The following CNTN4 variants were observed in gnomAD, a reference collection of about 807,000 sequenced individuals.
CNTN4 encodes contactin-4.
Under a neutral mutation model 122.5 loss-of-function variants are expected in CNTN4, and 77 were observed. That is an observed-to-expected ratio of 0.63 (90% confidence interval 0.52 to 0.76). CNTN4 has a LOEUF of 0.76. Ranked by LOEUF, CNTN4 falls within the 30% of genes least tolerant of loss-of-function variation. The probability of loss-of-function intolerance (pLI) is 0.00; values close to 1 mark genes in which losing one functional copy is unlikely to be tolerated. For missense variants in CNTN4, 1,256 were observed against 1,259.1 expected (o/e 1.00, Z 0.04); for synonymous variants, 512 against 447.0 (o/e 1.15, Z -1.83).
At chr3:2,215,247 T>C (rs2038789081) in intron 2 of CNTN4, among the ~76,000 whole-genome samples, 1 of 152,220 alleles carries the variant, frequency 6.6e-6, no homozygotes, top group African/African-American at 2.4e-5. Flanking sequence ...TGACATGCTA[T>C]AATACAATAT....
intron 6 of CNTN4, among the ~76,000 whole-genome samples, chr3:2,747,376 T>C (rs2149573105): frequency 6.7e-6 from 1 of 149,238 alleles, no homozygotes; most frequent in Admixed American, 6.7e-5. Context: ...GCCACTGGAC[T>C]CCAGCCTGGG....
At chr3:2,997,726 G>T (rs1371706379) in intron 14 of CNTN4, among the ~76,000 whole-genome samples, 3 of 152,166 alleles carry the variant, frequency 2.0e-5, no homozygotes, top group Non-Finnish European at 4.4e-5. Flanking sequence ...AAGTTAAAAT[G>T]GTTGTCTCTT....
chr3:2,961,723 C>G (rs948500233), intron 13 of CNTN4, among the ~76,000 whole-genome samples: 13 of 152,118 alleles, frequency 8.5e-5, no homozygotes, highest in Non-Finnish European at 1.6e-4. Flanking sequence ...TATTATTAAT[C>G]TAAAATGCTT....
chr3:2,785,146 T>TAG (rs111372866), intron 6 of CNTN4, among the ~76,000 whole-genome samples: 86 of 151,034 alleles, frequency 5.7e-4, no homozygotes, highest in South Asian at 8.4e-4. Context: ...CACATATATA[T>TAG]AGAGAGAGAG....
chr3:2,328,271 TG>T (rs774845105), intron 2 of CNTN4, among the ~76,000 whole-genome samples: 4 of 149,780 alleles, frequency 2.7e-5, no homozygotes, highest in Non-Finnish European at 5.9e-5. Context: ...CCGGGCGTGG[TG>T]GCGGGCGCCT....
At chr3:2,273,666 C>T (rs752106152) in intron 2 of CNTN4, among the ~76,000 whole-genome samples, 1 of 152,126 alleles carries the variant, frequency 6.6e-6, no homozygotes, top group African/African-American at 2.4e-5. Flanking sequence ...AAATCTTTGT[C>T]ATGCCAGTGT....
chr3:2,718,973 C>T (rs2087668669), intron 4 of CNTN4, among the ~76,000 whole-genome samples: 1 of 152,038 alleles, frequency 6.6e-6, no homozygotes, highest in South Asian at 2.1e-4. Flanking sequence ...TATTAACTCC[C>T]CCCATCTACT....
intron 6 of CNTN4, among the ~76,000 whole-genome samples, chr3:2,757,493 C>G (rs2090391277): frequency 6.6e-6 from 1 of 152,154 alleles, no homozygotes; most frequent in African/African-American, 2.4e-5. Flanking sequence ...TCTGACCTAC[C>G]TGTGGCTGTA....
chr3:2,463,965 A>C (rs757089255), intron 3 of CNTN4, among the ~76,000 whole-genome samples: 9 of 152,150 alleles, frequency 5.9e-5, no homozygotes, highest in Non-Finnish European at 1.2e-4. Flanking sequence ...TCCAAGCCTC[A>C]TAATGAAATG....
At chr3:2,196,079 C>G (rs1266792499) in intron 2 of CNTN4, among the ~76,000 whole-genome samples, 3 of 152,160 alleles carry the variant, frequency 2.0e-5, no homozygotes, top group African/African-American at 7.2e-5. Flanking sequence ...GGTATCTATG[C>G]TTAATGAAAA....
intron 3 of CNTN4, among the ~76,000 whole-genome samples, chr3:2,473,650 A>C (rs1343990708): frequency 1.3e-5 from 2 of 152,158 alleles, no homozygotes; most frequent in South Asian, 4.1e-4. Flanking sequence ...CTGGGCAGTG[A>C]TGCTTCAAAG....
chr3:2,225,989 T>C (rs1009654039), intron 2 of CNTN4, among the ~76,000 whole-genome samples: 3 of 152,294 alleles, frequency 2.0e-5, no homozygotes, highest in Non-Finnish European at 4.4e-5. Flanking sequence ...TCTGAGGCCC[T>C]GTTTTGTAAT....
chr3:2,834,263 A>G (rs1448198619), intron 7 of CNTN4, among the ~76,000 whole-genome samples: 2 of 151,946 alleles, frequency 1.3e-5, no homozygotes, highest in Non-Finnish European at 2.9e-5. Flanking sequence ...TGCTAGAGAC[A>G]ATAAAATCAA....
chr3:2,105,043 GAAC>G (rs1026736557), intron 2 of CNTN4, among the ~76,000 whole-genome samples: 3 of 152,134 alleles, frequency 2.0e-5, no homozygotes, highest in African/African-American at 7.2e-5. Context: ...ATTGCTTCTA[GAAC>G]AGAACAGGCA....
At chr3:2,738,880 C>T (rs1045497483) in intron 5 of CNTN4, among the ~76,000 whole-genome samples, 3 of 151,900 alleles carry the variant, frequency 2.0e-5, no homozygotes, top group Non-Finnish European at 2.9e-5. Context: ...AAAAATACAA[C>T]TTATAAAAGA....
intron 12 of CNTN4, among the ~76,000 whole-genome samples, chr3:2,922,067 A>G (rs535961257): frequency 1.3e-5 from 2 of 152,314 alleles, no homozygotes; most frequent in South Asian, 4.1e-4. Context: ...CTAGCAGTGC[A>G]TGTGAGAAAT....
At chr3:2,198,623 A>G (rs189183092) in intron 2 of CNTN4, among the ~76,000 whole-genome samples, 1 of 152,308 alleles carries the variant, frequency 6.6e-6, no homozygotes, top group Non-Finnish European at 1.5e-5. Flanking sequence ...GTCAAGAAGA[A>G]AAAGAGAGTA....
At chr3:2,239,630 A>T (rs976985578) in intron 2 of CNTN4, among the ~76,000 whole-genome samples, 1 of 152,120 alleles carries the variant, frequency 6.6e-6, no homozygotes, top group Non-Finnish European at 1.5e-5. Context: ...TTTATTTCGT[A>T]ATTCAAAAAG....
chr3:2,399,876 T>A (rs551242509), intron 3 of CNTN4, among the ~76,000 whole-genome samples: 4 of 152,230 alleles, frequency 2.6e-5, no homozygotes, highest in Admixed American at 6.5e-5. Flanking sequence ...TACCACATAA[T>A]CATGCTGTGG....
Sources: allele counts gnomAD v4.1 joint callset (sites outside exome capture counted in the v4.1 genomes callset), GRCh38; gene constraint gnomAD v4.1.1; transcripts MANE v1.5; gene names NCBI Gene and HGNC (gene_info 2026-07-23, HGNC 2026-07-21).